Variants in CENPP observed in about 807,000 individuals in gnomAD.
The protein encoded by CENPP is centromere protein P.
A neutral mutation model predicts 35.6 loss-of-function variants in CENPP; 24 were observed. The ratio of observed to expected loss-of-function variants is 0.67; its 90% CI spans 0.49 to 0.95. The LOEUF is 0.95. Among genes scored for constraint, CENPP ranks in the 40% least tolerant of loss-of-function variants. The pLI is 0.00. For missense variants in CENPP, 332 were observed against 345.3 expected (o/e 0.96, Z 0.31); for synonymous variants, 120 against 125.5 (o/e 0.96, Z 0.29).
chr9:92,365,343 C>T (rs1262241848), intron 4 of CENPP, among the ~76,000 whole-genome samples: 1 of 150,952 alleles, frequency 6.6e-6, no homozygotes, highest in Admixed American at 6.6e-5. Context: ...AGTTTGTTAT[C>T]AACCCTAGGT....
chr9:92,541,614 A>G (rs1290679132), intron 5 of CENPP, among the ~76,000 whole-genome samples: 1 of 151,914 alleles, frequency 6.6e-6, no homozygotes. Flanking sequence ...TTCACTTAGC[A>G]TAATGTCCTC....
At chr9:92,374,840 A>G (rs183971570) in intron 4 of CENPP, among the ~76,000 whole-genome samples, 144 of 152,172 alleles carry the variant, frequency 9.5e-4, no homozygotes, top group Non-Finnish European at 4.4e-4. Flanking sequence ...TTTTCCTTTT[A>G]GCCTGAAGAA....
intron 4 of CENPP, among the ~76,000 whole-genome samples, chr9:92,354,786 T>C (rs1470196274): frequency 6.6e-6 from 1 of 152,164 alleles, no homozygotes; most frequent in Non-Finnish European, 1.5e-5. Flanking sequence ...CTATTTTCCA[T>C]AAGTGTCGGC....
At chr9:92,444,853 A>G (rs915636785) in intron 5 of CENPP, among the ~76,000 whole-genome samples, 2 of 152,106 alleles carry the variant, frequency 1.3e-5, no homozygotes, top group African/African-American at 4.8e-5. Context: ...CAGCCACTAC[A>G]GGAGCTGACA....
At chr9:92,611,725 T>C in intron 6 of CENPP, among the ~76,000 whole-genome samples, 1 of 151,850 alleles carries the variant, frequency 6.6e-6, no homozygotes, top group African/African-American at 2.4e-5. Flanking sequence ...CAGGGGTGAG[T>C]GGAAAACCCC....
intron 5 of CENPP, among the ~76,000 whole-genome samples, chr9:92,568,984 C>A (rs893132178): frequency 1.3e-5 from 2 of 152,136 alleles, no homozygotes; most frequent in Non-Finnish European, 2.9e-5. Context: ...GATATTAGCC[C>A]TTTGTCAGAT....
At chr9:92,591,471 T>C in intron 5 of CENPP, among the ~76,000 whole-genome samples, 1 of 151,344 alleles carries the variant, frequency 6.6e-6, no homozygotes, top group East Asian at 1.9e-4. Context: ...ATCCAAACCA[T>C]ACTTGTTGGA....
chr9:92,543,990 G>T (rs1849372954), intron 5 of CENPP, among the ~76,000 whole-genome samples: 3 of 152,282 alleles, frequency 2.0e-5, no homozygotes, highest in Admixed American at 2.0e-4. Flanking sequence ...CAGAGAAAAT[G>T]TACCTTTATC....
At chr9:92,591,086 A>G (rs1361671107) in intron 5 of CENPP, among the ~76,000 whole-genome samples, 1 of 152,246 alleles carries the variant, frequency 6.6e-6, no homozygotes, top group Non-Finnish European at 1.5e-5. Context: ...AACATTATTC[A>G]GAGCACACCA....
At chr9:92,598,967 G>T (rs1218816947) in intron 5 of CENPP, among the ~76,000 whole-genome samples, 4 of 151,910 alleles carry the variant, frequency 2.6e-5, no homozygotes, top group Non-Finnish European at 5.9e-5. Context: ...AGGCATTGTG[G>T]TATGCACCTG....
chr9:92,544,882 A>C (rs1252416149), intron 5 of CENPP, among the ~76,000 whole-genome samples: 2 of 151,830 alleles, frequency 1.3e-5, no homozygotes, highest in East Asian at 1.9e-4. Context: ...CACCCAGCTA[A>C]ATTTTTTTTT....
At chr9:92,402,395 A>G (rs1193485654) in intron 5 of CENPP, among the ~76,000 whole-genome samples, 2 of 152,196 alleles carry the variant, frequency 1.3e-5, no homozygotes, top group Admixed American at 6.5e-5. Context: ...CCTCCAATTT[A>G]TAGTGGAGAA....
intron 4 of CENPP, among the ~76,000 whole-genome samples, chr9:92,378,516 C>G (rs1842173267): frequency 6.6e-6 from 1 of 152,152 alleles, no homozygotes; most frequent in African/African-American, 2.4e-5. Context: ...ACCTGTCCTG[C>G]TTTCTTCATT....
At chr9:92,472,033 C>T (rs1178290084) in intron 5 of CENPP, among the ~76,000 whole-genome samples, 1 of 152,122 alleles carries the variant, frequency 6.6e-6, no homozygotes, top group East Asian at 1.9e-4. Flanking sequence ...TTCTATCCTA[C>T]AGCTCTATGT....
At chr9:92,547,305 C>G (rs1031801918) in intron 5 of CENPP, among the ~76,000 whole-genome samples, 5 of 152,190 alleles carry the variant, frequency 3.3e-5, no homozygotes, top group African/African-American at 9.7e-5. Context: ...CTAGCTGTAT[C>G]CCCAAGAGAA....
At chr9:92,483,232 CTTTT>C (rs1380862828) in intron 5 of CENPP, among the ~76,000 whole-genome samples, 2 of 142,856 alleles carry the variant, frequency 1.4e-5, no homozygotes, top group Non-Finnish European at 1.5e-5. Flanking sequence ...GGACAGTTTT[CTTTT>C]TTTTTTTTTT....
intron 5 of CENPP, among the ~76,000 whole-genome samples, chr9:92,562,207 CTT>C (rs1403227581): frequency 7.6e-6 from 1 of 131,406 alleles, no homozygotes; most frequent in Non-Finnish European, 1.7e-5. Flanking sequence ...TTTTTCTTTT[CTT>C]TTTTTTTTTT....
chr9:92,487,188 C>A lies in CENPP; in HGVS notation c.564+107329C>A, dbSNP rs185958887. Among the ~76,000 whole-genome samples the A allele has an allele frequency of 6.8e-3, 1,037 of 152,292 alleles. 12 individuals carry two copies. Among genetic ancestry groups the A allele is most frequent in the African/African-American group, 0.024 (993 of 41,554 alleles). On this transcript the variant is annotated intron_variant, in intron 5 of 7. Coordinates refer to ENST00000375587, the MANE Select transcript of CENPP (RefSeq NM_001012267.3). ...TTCTTACCTCTTTCCACTGAGCAGA[C>A]CTGAGAGCAGTGAGCACATCTGGTT...
At chr9:92,608,079 C>T (rs904071426) in intron 5 of CENPP, among the ~76,000 whole-genome samples, 1 of 152,196 alleles carries the variant, frequency 6.6e-6, no homozygotes, top group Non-Finnish European at 1.5e-5. Context: ...GTGTGCTCAG[C>T]GAGGTCCCCT....
Sources: gnomAD v4.1 joint callset for allele counts (sites outside exome capture counted in the v4.1 genomes callset) on GRCh38, gnomAD v4.1.1 for gene constraint, MANE v1.5 for transcripts, NCBI Gene and HGNC (gene_info 2026-07-23, HGNC 2026-07-21) for gene names.